Variants in SGCD observed in about 807,000 individuals in gnomAD.
The protein encoded by SGCD is delta-sarcoglycan.
In SGCD, 18 loss-of-function variants were observed where a neutral mutation model predicts 36.6. The observed-to-expected ratio is 0.49, with a 90% CI of 0.34 to 0.73. The LOEUF is 0.73. SGCD is among the 30% of genes least tolerant of loss of function. The pLI is 0.01. For synonymous variants in SGCD, 133 were observed against 130.6 expected (o/e 1.02, Z -0.12); for missense variants, 387 against 346.7 (o/e 1.12, Z -0.92).
At chr5:156,369,742 A>G (rs777262630) in intron 3 of SGCD, among the ~76,000 whole-genome samples, 3 of 152,170 alleles carry the variant, frequency 2.0e-5, no homozygotes, top group Non-Finnish European at 2.9e-5. Flanking sequence ...GTCAGTGTGC[A>G]GAGGTTTGTG....
chr5:156,166,473 C>A (rs1438914595), intron 3 of SGCD, among the ~76,000 whole-genome samples: 2 of 152,270 alleles, frequency 1.3e-5, no homozygotes, highest in African/African-American at 4.8e-5. Flanking sequence ...CCAGACACCA[C>A]GCCTGGCTAA....
chr5:155,729,159 C>T, the SGCD span, among the ~76,000 whole-genome samples: 1 of 152,234 alleles, frequency 6.6e-6, no homozygotes, highest in South Asian at 2.1e-4. Flanking sequence ...CAGTTCCCTC[C>T]ATCTCTAAGC....
At chr5:156,501,650 G>A (rs1756458770) in intron 3 of SGCD, among the ~76,000 whole-genome samples, 1 of 152,166 alleles carries the variant, frequency 6.6e-6, no homozygotes, top group Non-Finnish European at 1.5e-5. Flanking sequence ...AGTTCTAACT[G>A]AGGGCTTAGG....
intron 3 of SGCD, among the ~76,000 whole-genome samples, chr5:156,507,037 C>CATACTTACTTCATAA (rs1756732646): frequency 6.6e-6 from 1 of 152,116 alleles, no homozygotes; most frequent in African/African-American, 2.4e-5. Flanking sequence ...GATAGAAGAA[C>CATACTTACTTCATAA]CTCCCATGAA....
At chr5:155,906,037 A>G (rs1756503891) in intron 1 of SGCD, among the ~76,000 whole-genome samples, 2 of 152,144 alleles carry the variant, frequency 1.3e-5, no homozygotes, top group Non-Finnish European at 2.9e-5. Context: ...CCATTTTTCC[A>G]ACAGCATGGG....
At chr5:156,493,936 C>T (rs1012368378) in intron 3 of SGCD, among the ~76,000 whole-genome samples, 4 of 152,150 alleles carry the variant, frequency 2.6e-5, no homozygotes, top group African/African-American at 9.7e-5. Context: ...CCCACATCCT[C>T]TTGACACTGG....
intron 4 of SGCD, among the ~76,000 whole-genome samples, chr5:156,552,514 T>C (rs1029585798): frequency 5.3e-5 from 8 of 152,204 alleles, no homozygotes; most frequent in African/African-American, 1.9e-4. Context: ...TACTCATTTA[T>C]CTTTTATTAG....
chr5:156,543,868 ACT>A (rs1316780359), intron 4 of SGCD, among the ~76,000 whole-genome samples: 1 of 152,000 alleles, frequency 6.6e-6, no homozygotes, highest in Non-Finnish European at 1.5e-5. Flanking sequence ...TTTTTCATAA[ACT>A]CTGGTAGACC....
At chr5:156,255,905 A>G (rs560657299) in intron 3 of SGCD, among the ~76,000 whole-genome samples, 2 of 151,766 alleles carry the variant, frequency 1.3e-5, no homozygotes, top group African/African-American at 4.8e-5. Flanking sequence ...TCTTTTTTCT[A>G]AACTTGTAAG....
chr5:155,780,474 C>T, the SGCD span, among the ~76,000 whole-genome samples: 7 of 152,128 alleles, frequency 4.6e-5, no homozygotes, highest in African/African-American at 7.2e-5. Context: ...AAGGAAAATT[C>T]GAAATCCCCT....
intron 4 of SGCD, among the ~76,000 whole-genome samples, chr5:156,586,487 G>T (rs1009433622): frequency 6.6e-6 from 1 of 152,150 alleles, no homozygotes; most frequent in African/African-American, 2.4e-5. Context: ...AAGATACTAG[G>T]CACAGATCAC....
intron 1 of SGCD, among the ~76,000 whole-genome samples, chr5:156,110,069 G>C (rs903508018): frequency 1.3e-5 from 2 of 152,170 alleles, no homozygotes; most frequent in Admixed American, 6.6e-5. Flanking sequence ...TAATATTTAA[G>C]GTATCCCTTT....
At chr5:155,908,284 C>T (rs781475206) in intron 1 of SGCD, among the ~76,000 whole-genome samples, 8 of 152,068 alleles carry the variant, frequency 5.3e-5, no homozygotes, top group Non-Finnish European at 8.8e-5. Context: ...CCTGCCAAAT[C>T]TTAGTGTATG....
chr5:156,540,827 A>C (rs1017375351), intron 4 of SGCD, among the ~76,000 whole-genome samples: 6 of 152,164 alleles, frequency 3.9e-5, no homozygotes, highest in Non-Finnish European at 8.8e-5. Context: ...CTTTTCCCAC[A>C]AAGATGTATT....
chr5:156,750,259 G>A, intron 7 of SGCD, among the ~76,000 whole-genome samples: 1 of 147,940 alleles, frequency 6.8e-6, no homozygotes, highest in East Asian at 1.9e-4. Flanking sequence ...CATACTTAAT[G>A]GTAAATTTGG....
chr5:156,718,872 T>C (rs1244841974), intron 7 of SGCD, among the ~76,000 whole-genome samples: 2 of 150,268 alleles, frequency 1.3e-5, no homozygotes, highest in Non-Finnish European at 1.5e-5. Context: ...TAGTCCCAGC[T>C]ACGTATTATA....
At chr5:156,314,402 C>G (rs1449424537) in intron 3 of SGCD, among the ~76,000 whole-genome samples, 1 of 151,940 alleles carries the variant, frequency 6.6e-6, no homozygotes, top group Non-Finnish European at 1.5e-5. Context: ...ATTTATGAGT[C>G]AAAATTAACT....
intron 7 of SGCD, chr5:156,739,821 A>G (rs983853439): frequency 2.0e-5 from 3 of 152,154 alleles, no homozygotes; most frequent in Non-Finnish European, 4.4e-5. Flanking sequence ...CTTGGCCACA[A>G]TGTTTGTTTA....
At chr5:156,240,720 T>C (rs1410641964) in intron 3 of SGCD, among the ~76,000 whole-genome samples, 1 of 152,234 alleles carries the variant, frequency 6.6e-6, no homozygotes, top group Non-Finnish European at 1.5e-5. Flanking sequence ...CCATATGTTT[T>C]TGAGTTTTTG....
Sources: allele counts gnomAD v4.1 joint callset (sites outside exome capture counted in the v4.1 genomes callset), GRCh38; gene constraint gnomAD v4.1.1; transcripts MANE v1.5; gene names NCBI Gene and HGNC (gene_info 2026-07-23, HGNC 2026-07-21).